MACROD2: variants seen among roughly 807,000 people sequenced by gnomAD.
MACROD2 encodes the protein mono-ADP ribosylhydrolase 2.
MACROD2 carries 36 observed loss-of-function variants against 70.4 expected under a neutral mutation model. That is an observed-to-expected ratio of 0.51 (90% CI 0.39 to 0.68). The LOEUF (loss-of-function observed/expected upper bound fraction) is 0.68, where lower values mean the gene tolerates loss of function less well. MACROD2 is among the 30% of genes least tolerant of loss of function. MACROD2 has a pLI of 0.00. For missense variants in MACROD2, 496 were observed against 538.4 expected, an observed-to-expected ratio of 0.92 and a Z score of 0.78; for synonymous variants, 172 against 178.8, an observed-to-expected ratio of 0.96 and a Z score of 0.30.
intron 3 of MACROD2, among the ~76,000 whole-genome samples, chr20:14,364,376 G>GT (rs1314478553): frequency 6.6e-6 from 1 of 152,106 alleles, no homozygotes; most frequent in Non-Finnish European, 1.5e-5. Context: ...CAAAGGTTTA[G>GT]TTTTGCCTAT....
chr20:15,196,229 A>G (rs1284973506), intron 5 of MACROD2, among the ~76,000 whole-genome samples: 2 of 151,996 alleles, frequency 1.3e-5, no homozygotes, highest in Admixed American at 1.3e-4. Context: ...CTGCATGTGT[A>G]CCCCTGAACT....
intron 5 of MACROD2, among the ~76,000 whole-genome samples, chr20:14,887,463 G>A (rs2073693880): frequency 6.6e-6 from 1 of 151,184 alleles, no homozygotes. Flanking sequence ...CATGATGTCG[G>A]CTCAGTGCAA....
chr20:14,416,566 T>A (rs1452598821), intron 3 of MACROD2, among the ~76,000 whole-genome samples: 1 of 151,820 alleles, frequency 6.6e-6, no homozygotes, highest in East Asian at 1.9e-4. Context: ...GAAAAAAGAG[T>A]CTCTTTGTTT....
chr20:14,949,293 A>G (rs2074457233), intron 5 of MACROD2, among the ~76,000 whole-genome samples: 1 of 152,220 alleles, frequency 6.6e-6, no homozygotes, highest in African/African-American at 2.4e-5. Flanking sequence ...TTAACTCTAA[A>G]GTTCAGCATA....
chr20:15,179,180 G>T (rs2076483093), intron 5 of MACROD2, among the ~76,000 whole-genome samples: 1 of 152,174 alleles, frequency 6.6e-6, no homozygotes, highest in South Asian at 2.1e-4. Context: ...GAAATATTTT[G>T]TATCTTGCCT....
chr20:15,114,265 T>C (rs979075504), intron 5 of MACROD2, among the ~76,000 whole-genome samples: 2 of 152,194 alleles, frequency 1.3e-5, no homozygotes, highest in Admixed American at 6.5e-5. Context: ...CCCCTCCTCT[T>C]GAGTTTGGGC....
At chr20:15,987,221 T>G in intron 15 of MACROD2, 63 bp downstream of exon 15, 3 of 1,322,756 alleles carry the variant, frequency 2.3e-6, no homozygotes, top group Non-Finnish European at 2.1e-6. Flanking sequence ...CTGCCTAGAA[T>G]TCAACCATCA....
intron 5 of MACROD2, among the ~76,000 whole-genome samples, chr20:15,126,033 T>C (rs1288454001): frequency 6.6e-6 from 1 of 151,430 alleles, no homozygotes; most frequent in Non-Finnish European, 1.5e-5. Context: ...TATGAGTGAA[T>C]TAAAAATATT....
At chr20:14,268,558 A>G (rs568553243) in intron 3 of MACROD2, among the ~76,000 whole-genome samples, 2 of 152,106 alleles carry the variant, frequency 1.3e-5, no homozygotes, top group Non-Finnish European at 2.9e-5. Context: ...GAAAATTTCC[A>G]TAGATGATGG....
rs539901357 is a variant in MACROD2 at position 14,133,633 on chromosome 20, C to T, written c.271+47905C>T. ...AAGTCCTGAATGGGTGACATTTGTA[C>T]AGAGATGTGAATAAAGTGAAGGAAC... On this transcript the variant is annotated intron_variant, in intron 3 of 17. Transcript: ENST00000684519. Among the ~76,000 whole-genome samples, 3 of 152,286 alleles carry T rather than the reference C, an allele frequency of 2.0e-5. No individual in the cohort carries two copies. In the South Asian group the frequency reaches 6.2e-4, roughly 32 times the overall value.
intron 3 of MACROD2, among the ~76,000 whole-genome samples, chr20:14,314,427 A>T (rs1486759620): frequency 6.6e-6 from 1 of 152,194 alleles, no homozygotes. Flanking sequence ...GTTGTATTAT[A>T]AGATACCAAG....
chr20:14,417,151 A>T (rs2083818822), intron 3 of MACROD2, among the ~76,000 whole-genome samples: 1 of 151,550 alleles, frequency 6.6e-6, no homozygotes, highest in African/African-American at 2.4e-5. Flanking sequence ...TAAGTTCTAG[A>T]CTTGTTTTAT....
chr20:15,558,962 A>G (rs983887070), intron 8 of MACROD2, among the ~76,000 whole-genome samples: 10 of 152,204 alleles, frequency 6.6e-5, no homozygotes, highest in African/African-American at 1.2e-4. Flanking sequence ...TCCTTTTTGT[A>G]TAATGCATTA....
chr20:14,880,916 A>G (rs1461667841), intron 5 of MACROD2, among the ~76,000 whole-genome samples: 1 of 152,074 alleles, frequency 6.6e-6, no homozygotes, highest in East Asian at 1.9e-4. Context: ...CAGCGTGGGC[A>G]GCTGCAATCA....
chr20:15,166,790 A>G (rs919609922), intron 5 of MACROD2, among the ~76,000 whole-genome samples: 3 of 151,826 alleles, frequency 2.0e-5, no homozygotes, highest in Middle Eastern at 3.5e-3. Flanking sequence ...CAAGATTATG[A>G]TGTGGGTCTT....
At chr20:15,667,794 A>G (rs907430874) in intron 8 of MACROD2, among the ~76,000 whole-genome samples, 5 of 152,168 alleles carry the variant, frequency 3.3e-5, no homozygotes, top group South Asian at 4.1e-4. Flanking sequence ...GTTTCTTTCA[A>G]TATAGAACAG....
At chr20:14,449,247 G>C (rs567294810) in intron 3 of MACROD2, among the ~76,000 whole-genome samples, 1 of 152,168 alleles carries the variant, frequency 6.6e-6, no homozygotes, top group South Asian at 2.1e-4. Context: ...TCTTAAACCA[G>C]AGAAATGAAT....
intron 5 of MACROD2, chr20:14,894,338 C>T (rs1392691290): frequency 6.6e-6 from 1 of 152,070 alleles, no homozygotes; most frequent in African/African-American, 2.4e-5. Context: ...TCACACCATT[C>T]TCCTGCCTCA....
At chr20:15,772,980 G>A (rs1259593977) in intron 8 of MACROD2, among the ~76,000 whole-genome samples, 1 of 152,086 alleles carries the variant, frequency 6.6e-6, no homozygotes, top group Non-Finnish European at 1.5e-5. Flanking sequence ...ATTACAATTT[G>A]AGATAAGATT....
Sources: gnomAD v4.1 joint callset for allele counts (sites outside exome capture counted in the v4.1 genomes callset) on GRCh38, gnomAD v4.1.1 for gene constraint, MANE v1.5 for transcripts, NCBI Gene and HGNC (gene_info 2026-07-23, HGNC 2026-07-21) for gene names.